The following NKAIN3 variants were observed in gnomAD, a reference collection of about 807,000 sequenced individuals.
The protein encoded by NKAIN3 is sodium/potassium-transporting ATPase subunit beta-1-interacting protein 3.
In NKAIN3, 25 loss-of-function variants were observed where a neutral mutation model predicts 30.2. The observed-to-expected ratio is 0.83, with a 90% CI of 0.60 to 1.16. NKAIN3 has a LOEUF of 1.16. Ranked by LOEUF, NKAIN3 falls within the 50% of genes most tolerant of loss-of-function variation. The pLI is 0.00. For missense variants in NKAIN3, 225 were observed against 254.1 expected (o/e 0.89, Z 0.78); for synonymous variants, 91 against 89.6 (o/e 1.02, Z -0.09).
At chr8:62,408,952 C>T (rs1804157219) in intron 1 of NKAIN3, among the ~76,000 whole-genome samples, 1 of 152,106 alleles carries the variant, frequency 6.6e-6, no homozygotes, top group South Asian at 2.1e-4. Context: ...CAAGACCCAT[C>T]TGAAAACTAG....
chr8:62,278,116 G>A (rs922197266), intron 1 of NKAIN3, among the ~76,000 whole-genome samples: 2 of 152,110 alleles, frequency 1.3e-5, no homozygotes, highest in African/African-American at 4.8e-5. Context: ...GACCTGGGCC[G>A]CCACACATGC....
At chr8:62,866,325 TCTC>T (rs1351896283) in intron 4 of NKAIN3, among the ~76,000 whole-genome samples, 1 of 152,216 alleles carries the variant, frequency 6.6e-6, no homozygotes, top group Non-Finnish European at 1.5e-5. Flanking sequence ...TGGGCAGAAT[TCTC>T]CTCACAGCTC....
intron 4 of NKAIN3, among the ~76,000 whole-genome samples, chr8:62,784,588 A>G (rs1328187123): frequency 2.0e-5 from 3 of 152,092 alleles, no homozygotes; most frequent in African/African-American, 4.8e-5. Flanking sequence ...TTTTGAATGT[A>G]CTGAAAAAGA....
chr8:62,451,016 A>T (rs943385738), intron 1 of NKAIN3, among the ~76,000 whole-genome samples: 12 of 152,196 alleles, frequency 7.9e-5, no homozygotes, highest in Non-Finnish European at 1.5e-4. Context: ...TGTGGAGCAG[A>T]TTAATTATGT....
chr8:62,292,057 A>T lies in NKAIN3; in HGVS notation c.54+42930A>T, dbSNP rs142471504. 6.0e-3 allele frequency among the ~76,000 whole-genome samples: 902 copies of T among 149,100 alleles called. 7 individuals are homozygous for T. Among genetic ancestry groups the T allele is most frequent in the Middle Eastern group, 0.01 (3 of 286 alleles). ...TGTTTTATCAGAGACTAGGATTACA[A>T]CCCCTGCTTTTTTTTTGTTTTCCAT... On this transcript the variant is annotated intron_variant, in intron 1 of 6. Coordinates refer to ENST00000623646, the MANE Select transcript of NKAIN3 (RefSeq NM_001304533.3).
chr8:62,364,358 C>G (rs919867823), intron 1 of NKAIN3, among the ~76,000 whole-genome samples: 5 of 149,594 alleles, frequency 3.3e-5, no homozygotes, highest in Admixed American at 1.3e-4. Flanking sequence ...TTCCACTTCT[C>G]TAACTTGGAA....
intron 1 of NKAIN3, among the ~76,000 whole-genome samples, chr8:62,490,613 C>A (rs1281118704): frequency 3.9e-5 from 6 of 152,078 alleles, no homozygotes; most frequent in Admixed American, 3.9e-4. Context: ...TTCAGAAATG[C>A]AGGAATATAT....
At chr8:62,315,617 T>C (rs565445432) in intron 1 of NKAIN3, among the ~76,000 whole-genome samples, 100 of 152,310 alleles carry the variant, frequency 6.6e-4, no homozygotes, top group African/African-American at 2.3e-3. Context: ...GCCATCTTGA[T>C]CTAGTGCACC....
chr8:62,746,836 C>A, intron 3 of NKAIN3, 96 bp from the exon 4 acceptor site: 2 of 795,700 alleles, frequency 2.5e-6, no homozygotes, highest in Non-Finnish European at 4.0e-6. Flanking sequence ...ATCACTGTAG[C>A]AATTTCATCT....
At chr8:62,530,730 C>T (rs1049179425) in intron 1 of NKAIN3, among the ~76,000 whole-genome samples, 11 of 152,018 alleles carry the variant, frequency 7.2e-5, no homozygotes, top group African/African-American at 2.7e-4. Flanking sequence ...CCTCCGCCTC[C>T]CAGATTCAAG....
chr8:62,773,169 TG>T (rs1817078680), intron 4 of NKAIN3, among the ~76,000 whole-genome samples: 1 of 152,174 alleles, frequency 6.6e-6, no homozygotes, highest in Non-Finnish European at 1.5e-5. Context: ...TGTTTTCTTT[TG>T]GTAGCTTGAT....
At chr8:62,930,401 C>T (rs896807288) in intron 5 of NKAIN3, among the ~76,000 whole-genome samples, 1 of 151,896 alleles carries the variant, frequency 6.6e-6, no homozygotes, top group Admixed American at 6.6e-5. Context: ...TTACAGGCGC[C>T]TGACACCATG....
At chr8:62,885,422 G>A (rs1423419480) in intron 4 of NKAIN3, among the ~76,000 whole-genome samples, 1 of 152,186 alleles carries the variant, frequency 6.6e-6, no homozygotes, top group Non-Finnish European at 1.5e-5. Flanking sequence ...CCTGCTGAAT[G>A]TTCCATGTGA....
At chr8:62,287,531 T>C (rs1795823098) in intron 1 of NKAIN3, among the ~76,000 whole-genome samples, 2 of 152,084 alleles carry the variant, frequency 1.3e-5, no homozygotes, top group Admixed American at 6.6e-5. Context: ...ATTTCTCAGC[T>C]TTTTGGGGGG....
At chr8:62,646,574 A>T (rs1812466333) in intron 3 of NKAIN3, among the ~76,000 whole-genome samples, 1 of 152,158 alleles carries the variant, frequency 6.6e-6, no homozygotes, top group Non-Finnish European at 1.5e-5. Flanking sequence ...AAACCACTGT[A>T]TTTATCCACT....
chr8:62,859,823 A>G (rs1586279112), intron 4 of NKAIN3, among the ~76,000 whole-genome samples: 1 of 152,154 alleles, frequency 6.6e-6, no homozygotes, highest in Admixed American at 6.5e-5. Context: ...GGTCATAGAT[A>G]TTGCTTCCAA....
At chr8:62,863,999 G>A in intron 4 of NKAIN3, 2 of 748,586 alleles carry the variant, frequency 2.7e-6, no homozygotes, top group Non-Finnish European at 2.4e-6. Context: ...GCTTTCTGTT[G>A]AGGCTCCAGC....
rs568964725 is a variant in NKAIN3 at position 62,723,612 on chromosome 8, T to A, written c.274-23320T>A. ...AAATGTATACTTATTTTTAAAAAAA[T>A]TACCTGTAGCTGAATCTTATCATAT... On this transcript the variant is annotated intron_variant, in intron 3 of 6. Transcript: ENST00000623646. Among the ~76,000 whole-genome samples the A allele has an allele frequency of 8.5e-5, 13 of 152,184 alleles. No homozygotes were observed. In the South Asian group the frequency reaches 1.2e-3, roughly 15 times the overall value.
At chr8:62,716,908 C>T (rs960384036) in intron 3 of NKAIN3, among the ~76,000 whole-genome samples, 1 of 151,984 alleles carries the variant, frequency 6.6e-6, no homozygotes, top group Non-Finnish European at 1.5e-5. Context: ...CTAACCTGGG[C>T]AACATAGCAA....
Sources: gnomAD v4.1 joint callset for allele counts (sites outside exome capture counted in the v4.1 genomes callset) on GRCh38, gnomAD v4.1.1 for gene constraint, MANE v1.5 for transcripts, NCBI Gene and HGNC (gene_info 2026-07-23, HGNC 2026-07-21) for gene names.